The following DNAH6 variants were observed in gnomAD, a reference collection of about 807,000 sequenced individuals.
DNAH6 encodes the protein axonemal beta dynein heavy chain 6.
DNAH6 carries 340 observed loss-of-function variants against 491.4 expected under a neutral mutation model. The ratio of observed to expected loss-of-function variants is 0.69; its 90% CI spans 0.63 to 0.76. The LOEUF is 0.76. Among genes scored for constraint, DNAH6 ranks in the 30% least tolerant of loss-of-function variants. The pLI, the probability that DNAH6 is intolerant of heterozygous loss-of-function variation, is 0.00. For synonymous variants in DNAH6, 1,603 were observed against 1,686.1 expected (o/e 0.95, Z 1.21); for missense variants, 4,443 against 4,972.2 (o/e 0.89, Z 3.20).
the DNAH6 span, among the ~76,000 whole-genome samples, chr2:84,502,985 T>G: frequency 8.8e-4 from 134 of 152,280 alleles, no homozygotes; most frequent in Non-Finnish European, 1.8e-3. Flanking sequence ...TTAAGTTTAT[T>G]TACATTCAAT....
chr2:84,637,058 A>G (rs944916288), intron 30 of DNAH6, among the ~76,000 whole-genome samples, 152 bp from the exon 31 acceptor site: 5 of 152,218 alleles, frequency 3.3e-5, no homozygotes, highest in African/African-American at 4.8e-5. Context: ...TAGACAGGAC[A>G]GAATCAGAAA....
chr2:84,567,167 C>T (rs1037533862), intron 11 of DNAH6, among the ~76,000 whole-genome samples: 1 of 151,982 alleles, frequency 6.6e-6, no homozygotes, highest in African/African-American at 2.4e-5. Flanking sequence ...TAAAAATACA[C>T]TTATAAACAG....
intron 35 of DNAH6, among the ~76,000 whole-genome samples, chr2:84,657,645 T>C (rs1453784046): frequency 6.6e-6 from 1 of 152,066 alleles, no homozygotes; most frequent in Non-Finnish European, 1.5e-5. Context: ...GATTGACTTG[T>C]ATATGTTAAC....
chr2:84,653,821 C>G lies in DNAH6; in HGVS notation c.5581C>G (p.Leu1861Val), dbSNP rs1690688727. The G allele has an allele frequency of 1.3e-6, 2 of 1,551,418 alleles. No homozygotes were observed. The highest frequency in any genetic ancestry group is 1.7e-6 in the Non-Finnish European group (2 of 1,146,662). ...TVLDDNKMLC[L>V]ANSERIKLTP... ...GCTGGATGATAACAAGATGCTTTGC[C>G]TGGCTAACAGTGAGAGGATTAAACT... Residue 1861 changes from leucine to valine, a missense_variant, in exon 34 of 77, where the codon CTG becomes GTG. Around this residue, in one of 3 missense-constraint regions of DNAH6, gnomAD observed 2,977 missense variants for 3,296.6 expected, o/e 0.90. Transcript: ENST00000389394.
intron 64 of DNAH6, among the ~76,000 whole-genome samples, chr2:84,775,815 A>G (rs1220980958): frequency 6.6e-6 from 1 of 152,166 alleles, no homozygotes; most frequent in African/African-American, 2.4e-5. Context: ...TATTAATAAT[A>G]GTCTCTGAGG....
intron 42 of DNAH6, 125 bp downstream of exon 42, chr2:84,681,653 TC>T: frequency 1.3e-6 from 1 of 780,984 alleles, no homozygotes; most frequent in Non-Finnish European, 1.8e-6. Context: ...CATCACCTGT[TC>T]CTATTCAGGC....
intron 45 of DNAH6, among the ~76,000 whole-genome samples, chr2:84,691,004 A>G (rs1044056657): frequency 5.3e-5 from 8 of 152,232 alleles, no homozygotes; most frequent in Non-Finnish European, 8.8e-5. Context: ...GTTTCTGCCC[A>G]TTGTATGCCC....
At chr2:84,676,340 A>G (rs948499462) in intron 40 of DNAH6, among the ~76,000 whole-genome samples, 2 of 152,184 alleles carry the variant, frequency 1.3e-5, no homozygotes, top group African/African-American at 2.4e-5. Context: ...TGATTTTGCT[A>G]TGTAAAATGG....
At position 84,635,276 on chromosome 2, in the gene DNAH6, A is replaced by C. The variant is rs375444847; in HGVS notation, c.4653+635A>C. Among the ~76,000 whole-genome samples, 12 of 152,342 alleles carry C rather than the reference A, an allele frequency of 7.9e-5. 1 individual carries two copies. In the East Asian group the frequency reaches 9.6e-4, roughly 12 times the overall value. On this transcript the variant is annotated intron_variant, in intron 30 of 76. Coordinates refer to ENST00000389394, the MANE Select transcript of DNAH6 (RefSeq NM_001370.2). ...ATCATGACTTGGACTATAGTGAGCTACTAAATTGTGTAAGTCATTATGGTA... is the reference window on the plus strand; with the variant it reads ...ATCATGACTTGGACTATAGTGAGCTCCTAAATTGTGTAAGTCATTATGGTA...
intron 64 of DNAH6, chr2:84,777,933 G>A (rs1386543424): frequency 2.4e-5 from 25 of 1,058,426 alleles, no homozygotes; most frequent in African/African-American, 6.2e-5. Flanking sequence ...AAATTAAGAC[G>A]GCTTTCTCCC....
At chr2:84,776,246 C>T (rs1676109483) in intron 64 of DNAH6, among the ~76,000 whole-genome samples, 1 of 152,208 alleles carries the variant, frequency 6.6e-6, no homozygotes, top group Admixed American at 6.5e-5. Flanking sequence ...ATATAAGACA[C>T]ACTAAACATC....
intron 43 of DNAH6, 71 bp downstream of exon 43, chr2:84,685,543 A>G: frequency 2.1e-6 from 2 of 947,602 alleles, no homozygotes; most frequent in East Asian, 3.0e-5. Context: ...ACAAAGAACA[A>G]TTAACACAAA....
rs148609767 is a variant in DNAH6 at position 84,676,253 on chromosome 2, G to C, written c.6613-752G>C. Among the ~76,000 whole-genome samples the C allele has an allele frequency of 1.6e-4, 25 of 152,302 alleles. No individual in the cohort carries two copies. The East Asian group carries it at 4.8e-3, about 29-fold the overall frequency. On this transcript the variant is annotated intron_variant, in intron 40 of 76. Coordinates refer to ENST00000389394, the MANE Select transcript of DNAH6 (RefSeq NM_001370.2). ...AGACAACACTCTGCCTTCTTTTTCA[G>C]CTCCCATGCTGTAAACAACTGCCCT...
At chr2:84,744,300 T>C (rs575314934) in intron 62 of DNAH6, among the ~76,000 whole-genome samples, 2 of 152,298 alleles carry the variant, frequency 1.3e-5, no homozygotes, top group Admixed American at 6.5e-5. Context: ...AACACACTAG[T>C]TATTTTGGCT....
intron 42 of DNAH6, 85 bp downstream of exon 42, chr2:84,681,613 T>C (rs1693781186): frequency 8.0e-7 from 1 of 1,255,836 alleles, no homozygotes; most frequent in African/African-American, 1.5e-5. Context: ...ATTGTATGTA[T>C]GCAGGTGTTG....
At chr2:84,511,250 A>T in the DNAH6 span, among the ~76,000 whole-genome samples, 1 of 152,128 alleles carries the variant, frequency 6.6e-6, no homozygotes, top group Non-Finnish European at 1.5e-5. Flanking sequence ...TGCTTTGTTT[A>T]CGTACTCAAG....
At chr2:84,786,247 G>A (rs559181381) in intron 67 of DNAH6, among the ~76,000 whole-genome samples, 11 of 152,090 alleles carry the variant, frequency 7.2e-5, no homozygotes, top group Non-Finnish European at 1.3e-4. Flanking sequence ...GCAACACAGC[G>A]AAACCCCATC....
At chr2:84,657,411 A>G (rs1691086822) in intron 35 of DNAH6, among the ~76,000 whole-genome samples, 2 of 152,066 alleles carry the variant, frequency 1.3e-5, no homozygotes, top group South Asian at 2.1e-4. Context: ...TATAGATAAC[A>G]TCAGAGAAAT....
At chr2:84,600,663 A>G (rs1455280089) in intron 18 of DNAH6, among the ~76,000 whole-genome samples, 6 of 152,130 alleles carry the variant, frequency 3.9e-5, no homozygotes, top group Non-Finnish European at 8.8e-5. Context: ...AAAGAAGACA[A>G]GACAGGTAAA....
Sources: gnomAD v4.1 joint callset for allele counts (sites outside exome capture counted in the v4.1 genomes callset) on GRCh38, gnomAD v4.1.1 for gene constraint, gnomAD v4.1.1 regional missense constraint, MANE v1.5 for transcripts, NCBI Gene and HGNC (gene_info 2026-07-23, HGNC 2026-07-21) for gene names.